Variants in FGD3 observed in about 807,000 individuals in gnomAD.
FGD3 encodes FYVE, RhoGEF and PH domain-containing protein 3.
Under a neutral mutation model 71.8 loss-of-function variants are expected in FGD3, and 45 were observed. That is an observed-to-expected ratio of 0.63 (90% CI 0.49 to 0.80). FGD3 has a LOEUF of 0.80. Ranked by LOEUF, FGD3 falls within the 30% of genes least tolerant of loss-of-function variation. The probability of loss-of-function intolerance (pLI) is 0.00; values close to 1 mark genes in which losing one functional copy is unlikely to be tolerated. For missense variants in FGD3, 844 were observed against 951.5 expected, an observed-to-expected ratio of 0.89 and a Z score of 1.49; for synonymous variants, 378 against 392.8, an observed-to-expected ratio of 0.96 and a Z score of 0.44.
At chr9:92,963,612 T>TA (rs920531351) in intron 1 of FGD3, among the ~76,000 whole-genome samples, 15 of 152,074 alleles carry the variant, frequency 9.9e-5, no homozygotes, top group South Asian at 2.1e-4. Context: ...GAAATTGCTT[T>TA]AAAAAAAATG....
chr9:92,980,499 G>A (rs1587827815), intron 3 of FGD3, among the ~76,000 whole-genome samples: 1 of 151,260 alleles, frequency 6.6e-6, no homozygotes, highest in African/African-American at 2.4e-5. Flanking sequence ...GCTAGCTTCA[G>A]TTTCAGTTTA....
At chr9:92,987,036 G>A (rs781522342) in intron 3 of FGD3, among the ~76,000 whole-genome samples, 65 of 152,200 alleles carry the variant, frequency 4.3e-4, no homozygotes, top group Non-Finnish European at 7.1e-4. Context: ...ACTTGCCTCC[G>A]AGGTAGACAG....
intron 1 of FGD3, among the ~76,000 whole-genome samples, chr9:92,947,930 C>G (rs1186500755): frequency 6.6e-6 from 1 of 152,054 alleles, no homozygotes; most frequent in Non-Finnish European, 1.5e-5. Context: ...TTTCTGCCCC[C>G]TCCTGAGCAC....
At chr9:92,952,289 T>A (rs1334955602) in intron 1 of FGD3, among the ~76,000 whole-genome samples, 1 of 147,652 alleles carries the variant, frequency 6.8e-6, no homozygotes, top group East Asian at 2.0e-4. Context: ...CGGGCTGGAG[T>A]GCAGTGGCAC....
intron 1 of FGD3, among the ~76,000 whole-genome samples, chr9:92,948,773 G>C (rs1858901293): frequency 6.6e-6 from 1 of 152,224 alleles, no homozygotes; most frequent in South Asian, 2.1e-4. Context: ...ACTGTCCATA[G>C]CTCTTCTTCC....
chr9:92,952,054 G>T (rs533908268), intron 1 of FGD3, among the ~76,000 whole-genome samples: 1 of 152,180 alleles, frequency 6.6e-6, no homozygotes, highest in South Asian at 2.1e-4. Flanking sequence ...AAACTATGCT[G>T]CATAAGGAAT....
At chr9:93,023,295 C>A (rs765961461) in intron 14 of FGD3, among the ~76,000 whole-genome samples, 2 of 152,164 alleles carry the variant, frequency 1.3e-5, no homozygotes, top group Non-Finnish European at 2.9e-5. Flanking sequence ...CTTTACCAGG[C>A]CCCACCCATC....
intron 8 of FGD3, among the ~76,000 whole-genome samples, chr9:93,011,821 A>C (rs1459979255): frequency 1.3e-5 from 2 of 148,724 alleles, no homozygotes; most frequent in African/African-American, 2.5e-5. Context: ...GTGCCACTGC[A>C]CTCCAGCCTG....
intron 8 of FGD3, among the ~76,000 whole-genome samples, chr9:93,013,417 G>C (rs141916645): frequency 6.6e-6 from 1 of 152,176 alleles, no homozygotes; most frequent in Admixed American, 6.5e-5. Context: ...CGCACTTCTG[G>C]GTGCTGGTTA....
intron 10 of FGD3, among the ~76,000 whole-genome samples, chr9:93,017,862 G>A (rs1047491419): frequency 6.6e-5 from 10 of 151,800 alleles, no homozygotes; most frequent in East Asian, 1.9e-4. Flanking sequence ...GCTGGGTGTC[G>A]GGGGGGTGGG....
intron 6 of FGD3, among the ~76,000 whole-genome samples, chr9:93,008,962 C>CA (rs34328093): frequency 0.44 from 61,231 of 137,654 alleles, 13,243 homozygotes; most frequent in Admixed American, 0.51. Context: ...AAGACTCCAT[C>CA]AAAAAAAAAA....
At chr9:93,033,706 T>G (rs1196717065) in intron 16 of FGD3, 2 of 152,838 alleles carry the variant, frequency 1.3e-5, no homozygotes, top group Non-Finnish European at 2.9e-5. Context: ...CAGTGCCAGC[T>G]GCACGTTGGA....
intron 1 of FGD3, among the ~76,000 whole-genome samples, chr9:92,961,762 C>T (rs993830831): frequency 1.3e-5 from 2 of 152,196 alleles, no homozygotes; most frequent in African/African-American, 4.8e-5. Flanking sequence ...GACTCATTCA[C>T]ACATCACAAG....
At chr9:92,962,351 T>G (rs1227750399) in intron 1 of FGD3, among the ~76,000 whole-genome samples, 1 of 152,232 alleles carries the variant, frequency 6.6e-6, no homozygotes, top group Non-Finnish European at 1.5e-5. Context: ...ACTGCTGGCC[T>G]TCTGGCACAG....
chr9:92,952,845 C>T (rs556637649), intron 1 of FGD3, among the ~76,000 whole-genome samples: 1 of 152,074 alleles, frequency 6.6e-6, no homozygotes, highest in East Asian at 1.9e-4. Flanking sequence ...TTTCTGATTA[C>T]TTCTTCCCCC....
chr9:92,989,822 C>T (rs1036707967), intron 3 of FGD3, among the ~76,000 whole-genome samples: 4 of 151,686 alleles, frequency 2.6e-5, no homozygotes, highest in African/African-American at 9.7e-5. Flanking sequence ...AAAGGAAAGG[C>T]AGTTTCTTGC....
chr9:93,001,643 GT>G, intron 3 of FGD3, among the ~76,000 whole-genome samples: 1 of 152,278 alleles, frequency 6.6e-6, no homozygotes, highest in African/African-American at 2.4e-5. Context: ...CTTGCTCCAG[GT>G]TAGGGAGAAG....
chr9:92,997,564 A>G (rs546273128), intron 3 of FGD3, among the ~76,000 whole-genome samples: 94 of 152,270 alleles, frequency 6.2e-4, no homozygotes, highest in Admixed American at 2.9e-3. Flanking sequence ...GTTTCTTCCT[A>G]GCATTGATGG....
At chr9:92,982,795 C>G (rs1279432474) in intron 3 of FGD3, among the ~76,000 whole-genome samples, 1 of 152,128 alleles carries the variant, frequency 6.6e-6, no homozygotes, top group Non-Finnish European at 1.5e-5. Flanking sequence ...ACTATAAAAA[C>G]CACCTTTTGG....
Sources: allele counts gnomAD v4.1 joint callset (sites outside exome capture counted in the v4.1 genomes callset), GRCh38; gene constraint gnomAD v4.1.1; transcripts MANE v1.5; gene names NCBI Gene and HGNC (gene_info 2026-07-23, HGNC 2026-07-21).